Variants in CELSR1 observed in about 807,000 individuals in gnomAD.
The protein encoded by CELSR1 is adhesion G protein-coupled receptor C1.
A neutral mutation model predicts 249.1 loss-of-function variants in CELSR1; 110 were observed. The ratio of observed to expected loss-of-function variants is 0.44; its 90% CI spans 0.38 to 0.52. The LOEUF (loss-of-function observed/expected upper bound fraction) is 0.52. Among genes scored for constraint, CELSR1 ranks in the 20% least tolerant of loss-of-function variants. The pLI is 0.00. For synonymous variants in CELSR1, 2,113 were observed against 1,900.0 expected (o/e 1.11, Z -2.92); for missense variants, 4,109 against 4,296.4 (o/e 0.96, Z 1.22).
At chr22:46,528,143 G>C (rs182997620) in intron 1 of CELSR1, among the ~76,000 whole-genome samples, 5 of 151,250 alleles carry the variant, frequency 3.3e-5, no homozygotes, top group African/African-American at 1.2e-4. Context: ...TACCCTGTGA[G>C]TTCCAGAAAA....
chr22:46,536,637 C>G lies in CELSR1; in HGVS notation c.534G>C (p.Ser178=). The G allele has an allele frequency of 1.7e-6, 2 of 1,167,206 alleles. No homozygotes were observed. The highest frequency in any genetic ancestry group is 2.1e-6 in the Non-Finnish European group (2 of 948,322). The allele number at this position is 1,167,206 out of a possible 1,614,324, so 72.3% of individuals were successfully genotyped here. A position where few individuals can be genotyped will look rare whatever the true frequency, so the allele number is the denominator to read the frequency against. The change falls in exon 1 of 35, where the codon TCG becomes TCC. Residue 178 remains serine (S), a synonymous_variant. Transcript: ENST00000674500. ...GGGCGCACAGCAGACGCAGGCGGAC[C>G]GAGCCGCCCGGCGGCAGGCAGATGG... ...GRPICLPPGG[S]VRLRLLCALR...
Position 46,390,266 on chromosome 22 carries a change from G to T in CELSR1, c.6345+126C>A. On this transcript the variant is annotated intron_variant, in intron 17 of 34. Transcript: ENST00000674500. This position sits in a 1 kb window ranked among gnomAD's most constrained non-coding sequence, Gnocchi z 6.3. The stretch of plus-strand genomic sequence containing the variant: ...CTCCAGGCTGCGGGCCCGTGGGGCT[G>T]TCCCTGCGCCATCCCAGCCGCCCCA... The T allele has an allele frequency of 1.3e-6, 1 of 763,606 alleles. No individual in the cohort carries two copies. Among genetic ancestry groups the T allele is most frequent in the African/African-American group, 1.8e-5 (1 of 55,732 alleles). 47.3% of individuals were successfully genotyped at this position (763,606 alleles called of 1,614,324 possible).
At chr22:46,466,950 C>T (rs1170713492) in intron 1 of CELSR1, among the ~76,000 whole-genome samples, 1 of 152,182 alleles carries the variant, frequency 6.6e-6, no homozygotes, top group African/African-American at 2.4e-5. Flanking sequence ...AGCAAGAAGG[C>T]ACTGTCTACC....
intron 1 of CELSR1, among the ~76,000 whole-genome samples, chr22:46,505,681 T>C (rs550299747): frequency 2.6e-4 from 39 of 152,174 alleles, no homozygotes; most frequent in African/African-American, 9.2e-4. Context: ...AATTTGCACT[T>C]GGAGGTGGGT....
In CELSR1 at chr22:46,427,047, A is replaced by T. The variant is rs1204910273; in HGVS notation, c.4611+6346T>A. Reference sequence around the variant, plus strand: ...TCCAGTGAAGTTCATGGCTTCCAATAGGGAGTGATAGATAAATAGGAAAAA... The same window carrying T: ...TCCAGTGAAGTTCATGGCTTCCAATTGGGAGTGATAGATAAATAGGAAAAA... On this transcript the variant is annotated intron_variant, in intron 5 of 34. Coordinates refer to ENST00000674500, the MANE Select transcript of CELSR1 (RefSeq NM_001378328.1). This position sits in a 1 kb window ranked among gnomAD's most constrained non-coding sequence, Gnocchi z 4.2. Among the ~76,000 whole-genome samples the T allele has an allele frequency of 6.6e-6, 1 of 152,202 alleles. No homozygotes were observed. The highest frequency in any genetic ancestry group is 1.5e-5 in the Non-Finnish European group (1 of 68,032).
intron 2 of CELSR1, among the ~76,000 whole-genome samples, chr22:46,455,842 C>T (rs948757925): frequency 6.6e-6 from 1 of 152,190 alleles, no homozygotes; most frequent in Non-Finnish European, 1.5e-5. Context: ...TTGACCCACA[C>T]CCTGATCCCC....
At chr22:46,403,122 T>C (rs1397767445) in intron 9 of CELSR1, among the ~76,000 whole-genome samples, 1 of 152,156 alleles carries the variant, frequency 6.6e-6, no homozygotes, top group Non-Finnish European at 1.5e-5. Context: ...TGTATGCACC[T>C]AATAACCTGG....
At chr22:46,459,220 A>C (rs1321306523) in intron 2 of CELSR1, among the ~76,000 whole-genome samples, 1 of 152,010 alleles carries the variant, frequency 6.6e-6, no homozygotes, top group African/African-American at 2.4e-5. Flanking sequence ...GAGTGGTCGT[A>C]ATTGTTTAAT....
In CELSR1 at chr22:46,406,791, C is replaced by A. The variant is rs6008803; in HGVS notation, c.5226+2205G>T. On this transcript the variant is annotated intron_variant, in intron 9 of 34. Coordinates refer to ENST00000674500, the MANE Select transcript of CELSR1 (RefSeq NM_001378328.1). The surrounding 1 kb of genome is among the most constrained non-coding windows in gnomAD (Gnocchi z 5.4). The stretch of plus-strand genomic sequence containing the variant: ...GTGTGGAACGAGAGCTTGGAGCAGG[C>A]ACTCCGTAAAATCCATCTCACCTCT... 0.017 allele frequency among the ~76,000 whole-genome samples: 2,579 copies of A among 152,290 alleles called. 78 individuals carry two copies. Among genetic ancestry groups the A allele is most frequent in the African/African-American group, 0.058 (2,417 of 41,550 alleles).
At chr22:46,532,965 G>A (rs2080807732) in intron 1 of CELSR1, among the ~76,000 whole-genome samples, 1 of 152,100 alleles carries the variant, frequency 6.6e-6, no homozygotes, top group South Asian at 2.1e-4. Context: ...GCCCACACTG[G>A]CTCCACCACT....
rs764856914 is a variant in CELSR1 at position 46,409,128 on chromosome 22, G to A, written c.5094C>T (p.Ser1698=). ...TGTTCAGGTCACTCCAGGACACGAC[G>A]CTCTCACCGCTGAAGAGCTGGGGGT... ...MPHPQLFSGE[S]VVSWSDLNII... The change falls in exon 9 of 35, where the codon AGC becomes AGT. Residue 1698 remains serine, a synonymous_variant. Transcript: ENST00000674500. The surrounding 1 kb of genome is among the most constrained non-coding windows in gnomAD (Gnocchi z 9.8). 2.7e-5 allele frequency: 43 copies of A among 1,613,286 alleles called. No homozygotes were observed. In the East Asian group the frequency reaches 6.0e-4, roughly 23 times the overall value.
At chr22:46,377,618 A>C in intron 23 of CELSR1, 2 of 310,574 alleles carry the variant, frequency 6.4e-6, no homozygotes, top group Non-Finnish European at 6.2e-6. Flanking sequence ...CTTGGCCCAC[A>C]TGTCACCTGG....
At chr22:46,509,461 C>G (rs1011854230) in intron 1 of CELSR1, among the ~76,000 whole-genome samples, 3 of 31,756 alleles carry the variant, frequency 9.4e-5, no homozygotes, top group Non-Finnish European at 2.3e-4. Context: ...GTTTAAGGAG[C>G]CCTGAGCCCA....
rs1415250717 is a variant in CELSR1 at position 46,405,601 on chromosome 22, G to A, written c.5226+3395C>T. Among the ~76,000 whole-genome samples the A allele has an allele frequency of 2.6e-5, 4 of 152,196 alleles. No homozygotes were observed. In the East Asian group the frequency reaches 7.7e-4, roughly 29 times the overall value. ...TATCCACAGGATGAACCTGTTTTATGGGAGGTAACTGAGAGTGTGTCCCCA... is the reference window on the plus strand; with the variant it reads ...TATCCACAGGATGAACCTGTTTTATAGGAGGTAACTGAGAGTGTGTCCCCA... On this transcript the variant is annotated intron_variant, in intron 9 of 34. Coordinates refer to ENST00000674500, the MANE Select transcript of CELSR1 (RefSeq NM_001378328.1).
At chr22:46,403,957 G>A (rs1364175172) in intron 9 of CELSR1, among the ~76,000 whole-genome samples, 3 of 126,246 alleles carry the variant, frequency 2.4e-5, no homozygotes, top group Non-Finnish European at 4.8e-5. Context: ...TGGTGACAGA[G>A]TGAAACTCCG....
chr22:46,500,154 C>T lies in CELSR1; in HGVS notation c.3544+33473G>A, dbSNP rs9616025. On this transcript the variant is annotated intron_variant, in intron 1 of 34. Transcript: ENST00000674500. The surrounding 1 kb of genome is among the most constrained non-coding windows in gnomAD (Gnocchi z 4.9). Reference sequence around the variant, plus strand: ...CCTGGTCCTCCCAGCATGATCCCACCCCAGCCCCTGGTCCTCCCAGCATGA... The same window carrying T: ...CCTGGTCCTCCCAGCATGATCCCACTCCAGCCCCTGGTCCTCCCAGCATGA... 0.12 allele frequency among the ~76,000 whole-genome samples: 17,271 copies of T among 145,008 alleles called. 1,144 individuals are homozygous for T. Among genetic ancestry groups the T allele is most frequent in the South Asian group, 0.2 (851 of 4,250 alleles).
chr22:46,369,600 A>T, intron 26 of CELSR1, 92 bp downstream of exon 26: 1 of 1,192,492 alleles, frequency 8.4e-7, no homozygotes, highest in Non-Finnish European at 1.2e-6. Context: ...TCGGCTGCTC[A>T]GAGGAGTTGG....
At chr22:46,477,954 CT>C (rs914023986) in intron 1 of CELSR1, among the ~76,000 whole-genome samples, 4 of 152,212 alleles carry the variant, frequency 2.6e-5, no homozygotes, top group African/African-American at 9.6e-5. Context: ...GGCAGCACCC[CT>C]GGCCTCCACC....
intron 2 of CELSR1, among the ~76,000 whole-genome samples, chr22:46,443,805 C>A (rs907342733): frequency 6.6e-6 from 1 of 152,242 alleles, no homozygotes; most frequent in African/African-American, 2.4e-5. Flanking sequence ...TTGTAAATCC[C>A]GTGCGTTCAC....
Sources: gnomAD v4.1 joint callset for allele counts (sites outside exome capture counted in the v4.1 genomes callset) on GRCh38, gnomAD v4.1.1 for gene constraint, Gnocchi (gnomAD v3.1) non-coding constraint, MANE v1.5 for transcripts, NCBI Gene and HGNC (gene_info 2026-07-23, HGNC 2026-07-21) for gene names.